CSMD1: variants seen among roughly 807,000 people sequenced by gnomAD.
CSMD1 encodes the protein CUB and Sushi multiple domains 1, also known as CUB and sushi domain-containing protein 1.
CSMD1 carries 213 observed loss-of-function variants against 417.5 expected under a neutral mutation model. The observed-to-expected ratio is 0.51, with a 90% CI of 0.46 to 0.57. CSMD1 has a LOEUF of 0.57. CSMD1 is among the 20% of genes least tolerant of loss of function. The pLI, the probability that CSMD1 is intolerant of heterozygous loss-of-function variation, is 0.00. For synonymous variants in CSMD1, 2,862 were observed against 1,736.8 expected (o/e 1.65, Z -16.11); for missense variants, 6,923 against 4,529.7 (o/e 1.53, Z -15.17).
intron 23 of CSMD1, among the ~76,000 whole-genome samples, chr8:3,309,744 T>C (rs751099843): frequency 6.6e-6 from 1 of 152,234 alleles, no homozygotes; most frequent in Non-Finnish European, 1.5e-5. Context: ...TGACTTCTGC[T>C]ACATCCTCCT....
intron 3 of CSMD1, among the ~76,000 whole-genome samples, chr8:4,359,681 T>C (rs1352060119): frequency 1.3e-5 from 2 of 152,320 alleles, no homozygotes; most frequent in Non-Finnish European, 2.9e-5. Context: ...GTATGAATCC[T>C]CAGCCCTCTG....
At chr8:3,800,331 T>C (rs940597118) in intron 5 of CSMD1, among the ~76,000 whole-genome samples, 2 of 152,146 alleles carry the variant, frequency 1.3e-5, no homozygotes. Flanking sequence ...AATTTTATAA[T>C]ATGTCAAAAT....
chr8:3,465,281 A>G (rs1489728576), intron 12 of CSMD1, among the ~76,000 whole-genome samples: 1 of 152,092 alleles, frequency 6.6e-6, no homozygotes, highest in African/African-American at 2.4e-5. Flanking sequence ...AAATGCTCCT[A>G]AAAGGGTCCA....
intron 19 of CSMD1, 52 bp from the exon 20 acceptor site, chr8:3,367,299 G>C: frequency 7.8e-7 from 1 of 1,283,252 alleles, no homozygotes; most frequent in Non-Finnish European, 1.1e-6. Flanking sequence ...GACACACGGG[G>C]CGGCGGGGGC....
At chr8:4,029,982 A>T (rs1366956551) in intron 4 of CSMD1, among the ~76,000 whole-genome samples, 1 of 152,184 alleles carries the variant, frequency 6.6e-6, no homozygotes, top group East Asian at 1.9e-4. Flanking sequence ...ATTTCCTTTG[A>T]CTTTGTGTCT....
Position 4,293,165 on chromosome 8 carries a change from T to C in CSMD1, c.415+126788A>G, listed in dbSNP as rs1797467459. On this transcript the variant is annotated intron_variant, in intron 3 of 69. Coordinates refer to ENST00000635120, the MANE Select transcript of CSMD1 (RefSeq NM_033225.6). ...CGCACCTGCCCTTTGTCCAGTATACTCTGAGGACTGAACCTCCCTGGCACA... is the reference window on the plus strand; with the variant it reads ...CGCACCTGCCCTTTGTCCAGTATACCCTGAGGACTGAACCTCCCTGGCACA... Among the ~76,000 whole-genome samples, 3 of 152,038 alleles carry C rather than the reference T, an allele frequency of 2.0e-5. No individual in the cohort carries two copies. In the East Asian group the frequency reaches 5.8e-4, roughly 29 times the overall value.
chr8:4,413,562 A>T (rs990621851), intron 3 of CSMD1, among the ~76,000 whole-genome samples: 21 of 152,136 alleles, frequency 1.4e-4, no homozygotes, highest in African/African-American at 5.1e-4. Flanking sequence ...TCTTTTAAAA[A>T]ATTATTTTAT....
chr8:4,881,596 A>T (rs944726924), intron 1 of CSMD1, among the ~76,000 whole-genome samples: 1 of 150,804 alleles, frequency 6.6e-6, no homozygotes, highest in African/African-American at 2.4e-5. Context: ...AAATTTATTC[A>T]ATAAATTCAT....
chr8:3,756,941 G>A (rs528013351), intron 5 of CSMD1, among the ~76,000 whole-genome samples: 10 of 152,160 alleles, frequency 6.6e-5, no homozygotes, highest in South Asian at 6.2e-4. Context: ...AGCTATATGT[G>A]CACACCATAT....
At chr8:4,709,758 G>A (rs540902489) in intron 1 of CSMD1, among the ~76,000 whole-genome samples, 28 of 152,280 alleles carry the variant, frequency 1.8e-4, no homozygotes, top group Middle Eastern at 3.4e-3. Flanking sequence ...CCATCAGTGC[G>A]TCCCTATGGC....
At chr8:3,723,513 G>C (rs900312914) in intron 6 of CSMD1, among the ~76,000 whole-genome samples, 1 of 152,108 alleles carries the variant, frequency 6.6e-6, no homozygotes, top group Non-Finnish European at 1.5e-5. Context: ...TCATAGTTGG[G>C]CATTTAGTCA....
In CSMD1 at chr8:4,036,158, G is replaced by C. The variant is rs368935464; in HGVS notation, c.416-4059C>G. 1.1e-4 allele frequency among the ~76,000 whole-genome samples: 17 copies of C among 152,284 alleles called. No homozygotes were observed. The East Asian group carries it at 2.3e-3, about 21-fold the overall frequency. On this transcript the variant is annotated intron_variant, in intron 3 of 69. Transcript: ENST00000635120. ...AGGTGCGTAGTAGGCCGCAAAACTT[G>C]GGTTTGTGTAAGTGTGCTCTGTGAT...
At chr8:3,702,394 T>C (rs1037746661) in intron 7 of CSMD1, 2 of 152,186 alleles carry the variant, frequency 1.3e-5, no homozygotes, top group African/African-American at 4.8e-5. Context: ...TTCCTAGAGA[T>C]GTATATATTT....
intron 3 of CSMD1, among the ~76,000 whole-genome samples, chr8:4,161,558 T>A (rs930949335): frequency 6.6e-6 from 1 of 152,186 alleles, no homozygotes; most frequent in Admixed American, 6.5e-5. Context: ...CTACTTGACA[T>A]TGTTTTGGAC....
intron 2 of CSMD1, among the ~76,000 whole-genome samples, chr8:4,537,156 T>A (rs1317811711): frequency 1.3e-5 from 2 of 152,198 alleles, no homozygotes; most frequent in Admixed American, 1.3e-4. Flanking sequence ...TGGGTCCTCT[T>A]GTACTTTTCT....
At chr8:3,994,512 A>G (rs973260333) in intron 5 of CSMD1, among the ~76,000 whole-genome samples, 11 of 151,574 alleles carry the variant, frequency 7.3e-5, no homozygotes, top group Non-Finnish European at 1.0e-4. Flanking sequence ...TCCTAATTGC[A>G]AGAAAAATAA....
intron 3 of CSMD1, among the ~76,000 whole-genome samples, chr8:4,221,074 G>T (rs1441786137): frequency 3.3e-5 from 5 of 152,072 alleles, no homozygotes; most frequent in Non-Finnish European, 7.4e-5. Flanking sequence ...CTTTAGTTTG[G>T]GGAAATCACT....
Position 3,783,908 on chromosome 8 carries a change from G to A in CSMD1, c.819-29866C>T, listed in dbSNP as rs1031578513. ...TCGGCCATGGTTGTGGTGCAGGCTG[G>A]AGCTGGGCTGCAGTTTGAATACCCC... On this transcript the variant is annotated intron_variant, in intron 5 of 69. Coordinates refer to ENST00000635120, the MANE Select transcript of CSMD1 (RefSeq NM_033225.6). Among the ~76,000 whole-genome samples, 4 of 5,234 alleles carry A rather than the reference G, an allele frequency of 7.6e-4. No homozygotes were observed. The Admixed American group carries it at 0.011, about 14-fold the overall frequency. The allele number at this position is 5,234 out of a possible 152,430, so 3.4% of individuals were successfully genotyped here.
chr8:3,683,231 T>G (rs1799759673), intron 7 of CSMD1, among the ~76,000 whole-genome samples: 1 of 151,282 alleles, frequency 6.6e-6, no homozygotes, highest in Admixed American at 6.6e-5. Context: ...AAAAATAAAA[T>G]AATAAAAAAT....
Sources: gnomAD v4.1 joint callset for allele counts (sites outside exome capture counted in the v4.1 genomes callset) on GRCh38, gnomAD v4.1.1 for gene constraint, MANE v1.5 for transcripts, NCBI Gene and HGNC (gene_info 2026-07-23, HGNC 2026-07-21) for gene names.